The following SCAPER variants were observed in gnomAD, a reference collection of about 807,000 sequenced individuals.
SCAPER encodes S phase cyclin A-associated protein in the endoplasmic reticulum.
In SCAPER, 98 loss-of-function variants were observed where a neutral mutation model predicts 182.2. The ratio of observed to expected loss-of-function variants is 0.54; its 90% CI spans 0.46 to 0.64. SCAPER has a LOEUF of 0.64. Among genes scored for constraint, SCAPER ranks in the 30% least tolerant of loss-of-function variants. The probability of loss-of-function intolerance (pLI) is 0.00; values close to 1 mark genes in which losing one functional copy is unlikely to be tolerated. For missense variants in SCAPER, 1,432 were observed against 1,690.0 expected, an observed-to-expected ratio of 0.85 and a Z score of 2.68; for synonymous variants, 605 against 564.6, an observed-to-expected ratio of 1.07 and a Z score of -1.01.
chr15:76,833,247 C>G (rs767131103), intron 5 of SCAPER, among the ~76,000 whole-genome samples: 1 of 152,090 alleles, frequency 6.6e-6, no homozygotes, highest in Non-Finnish European at 1.5e-5. Context: ...AAAATAAATT[C>G]CAACCAAGAA....
At chr15:76,880,560 G>T (rs2073466988) in intron 2 of SCAPER, among the ~76,000 whole-genome samples, 1 of 152,184 alleles carries the variant, frequency 6.6e-6, no homozygotes. Flanking sequence ...TTTACTTTCA[G>T]GTTTTTGGAC....
intron 17 of SCAPER, among the ~76,000 whole-genome samples, chr15:76,715,036 C>T (rs1325315322): frequency 6.6e-6 from 1 of 152,134 alleles, no homozygotes; most frequent in Non-Finnish European, 1.5e-5. Context: ...TACCCTACCA[C>T]AAACGGCCAA....
At chr15:76,450,632 C>A (rs902673067) in intron 25 of SCAPER, among the ~76,000 whole-genome samples, 1 of 152,176 alleles carries the variant, frequency 6.6e-6, no homozygotes, top group Non-Finnish European at 1.5e-5. Context: ...CGGCTCACTG[C>A]AACCTCCACC....
At chr15:76,519,235 G>A (rs887012783) in intron 23 of SCAPER, among the ~76,000 whole-genome samples, 71 of 152,236 alleles carry the variant, frequency 4.7e-4, no homozygotes, top group Middle Eastern at 3.4e-3. Flanking sequence ...AATACATTTA[G>A]CTTTAAGTCA....
chr15:76,733,433 C>G (rs1296590253), intron 15 of SCAPER, 49 bp from the exon 16 acceptor site: 2 of 1,577,898 alleles, frequency 1.3e-6, no homozygotes, highest in South Asian at 2.3e-5. Context: ...AATTCTAGGG[C>G]ACATTACAAA....
intron 21 of SCAPER, among the ~76,000 whole-genome samples, chr15:76,643,974 T>C (rs1041981884): frequency 3.9e-5 from 6 of 152,178 alleles, no homozygotes; most frequent in African/African-American, 1.4e-4. Flanking sequence ...TGAAGAACTA[T>C]AGTTTGAAAA....
At chr15:76,477,011 A>G (rs965145430) in intron 24 of SCAPER, among the ~76,000 whole-genome samples, 2 of 152,176 alleles carry the variant, frequency 1.3e-5, no homozygotes, top group African/African-American at 2.4e-5. Flanking sequence ...AAGGAAATTA[A>G]TTGACAGGCT....
At chr15:76,457,216 C>G (rs1355714274) in intron 25 of SCAPER, among the ~76,000 whole-genome samples, 1 of 152,118 alleles carries the variant, frequency 6.6e-6, no homozygotes, top group East Asian at 1.9e-4. Flanking sequence ...GTGCCTGCCA[C>G]CATGCCCAGC....
At chr15:76,835,693 G>A (rs774879088) in intron 5 of SCAPER, among the ~76,000 whole-genome samples, 2 of 152,104 alleles carry the variant, frequency 1.3e-5, no homozygotes, top group Non-Finnish European at 2.9e-5. Context: ...ATCCTAGCCA[G>A]AACAATCAGG....
At chr15:76,511,634 A>G (rs1437578525) in intron 23 of SCAPER, among the ~76,000 whole-genome samples, 1 of 152,008 alleles carries the variant, frequency 6.6e-6, no homozygotes, top group Non-Finnish European at 1.5e-5. Flanking sequence ...GTGCTTTTGC[A>G]TAAACTGTTC....
intron 17 of SCAPER, among the ~76,000 whole-genome samples, chr15:76,724,573 T>A (rs558552560): frequency 6.6e-6 from 1 of 152,326 alleles, no homozygotes; most frequent in African/African-American, 2.4e-5. Flanking sequence ...CAATGAGACG[T>A]AGATTTGGTC....
chr15:76,387,738 A>C (rs547474516), intron 27 of SCAPER, among the ~76,000 whole-genome samples: 7 of 152,346 alleles, frequency 4.6e-5, no homozygotes, highest in Non-Finnish European at 8.8e-5. Context: ...ATCAATAACA[A>C]AGTTTACCTA....
chr15:76,869,823 C>CT (rs1211711088), intron 2 of SCAPER, among the ~76,000 whole-genome samples: 1 of 152,126 alleles, frequency 6.6e-6, no homozygotes, highest in African/African-American at 2.4e-5. Context: ...TATTACATCA[C>CT]TATTCACATA....
chr15:76,504,249 C>T (rs1429042558), intron 24 of SCAPER, among the ~76,000 whole-genome samples: 2 of 152,066 alleles, frequency 1.3e-5, no homozygotes, highest in Non-Finnish European at 1.5e-5. Flanking sequence ...CCACAAAATA[C>T]CCAGAAACTG....
chr15:76,485,231 T>C (rs2051504522), intron 24 of SCAPER, among the ~76,000 whole-genome samples: 1 of 151,580 alleles, frequency 6.6e-6, no homozygotes, highest in African/African-American at 2.4e-5. Context: ...TGTGTAAATA[T>C]CACCGACAAC....
chr15:76,894,022 G>A (rs762208731), intron 1 of SCAPER, among the ~76,000 whole-genome samples: 17 of 152,238 alleles, frequency 1.1e-4, no homozygotes, highest in African/African-American at 2.2e-4. Context: ...AGGCCGAGGC[G>A]GGCGGATCAC....
intron 27 of SCAPER, among the ~76,000 whole-genome samples, chr15:76,402,826 A>T (rs1431064482): frequency 6.6e-6 from 1 of 152,050 alleles, no homozygotes; most frequent in East Asian, 1.9e-4. Context: ...ATCAAGCTAG[A>T]AATCTCAGGA....
chr15:76,807,667 A>G (rs988454520), intron 5 of SCAPER, among the ~76,000 whole-genome samples: 7 of 144,440 alleles, frequency 4.8e-5, no homozygotes, highest in East Asian at 4.3e-4. Context: ...ATATCTCCCA[A>G]TGCTATCCCT....
intron 2 of SCAPER, among the ~76,000 whole-genome samples, chr15:76,872,249 T>C (rs1357487337): frequency 2.6e-5 from 4 of 151,976 alleles, no homozygotes; most frequent in South Asian, 2.1e-4. Flanking sequence ...AGTGGAGACC[T>C]TGAAGGAAAG....
Sources: gnomAD v4.1 joint callset for allele counts (sites outside exome capture counted in the v4.1 genomes callset) on GRCh38, gnomAD v4.1.1 for gene constraint, MANE v1.5 for transcripts, NCBI Gene and HGNC (gene_info 2026-07-23, HGNC 2026-07-21) for gene names.